PTPRK: variants seen among roughly 807,000 people sequenced by gnomAD.
PTPRK encodes the protein protein tyrosine phosphatase receptor type K, also known as receptor-type tyrosine-protein phosphatase kappa.
A neutral mutation model predicts 178.0 loss-of-function variants in PTPRK; 75 were observed. The ratio of observed to expected loss-of-function variants is 0.42; its 90% CI spans 0.35 to 0.51. PTPRK has a LOEUF of 0.51. Ranked by LOEUF, PTPRK falls within the 20% of genes least tolerant of loss-of-function variation. The pLI, the probability that PTPRK is intolerant of heterozygous loss-of-function variation, is 0.02. For synonymous variants in PTPRK, 637 were observed against 620.6 expected (o/e 1.03, Z -0.39); for missense variants, 1,441 against 1,797.8 (o/e 0.80, Z 3.59).
At chr6:128,292,714 T>C (rs141010830) in intron 3 of PTPRK, among the ~76,000 whole-genome samples, 8 of 152,202 alleles carry the variant, frequency 5.3e-5, no homozygotes, top group Admixed American at 5.2e-4. Flanking sequence ...TCTCAGGTAA[T>C]AGATAATCCT....
At chr6:128,312,201 CG>C (rs1827331818) in intron 3 of PTPRK, among the ~76,000 whole-genome samples, 1 of 152,162 alleles carries the variant, frequency 6.6e-6, no homozygotes, top group African/African-American at 2.4e-5. Context: ...TTCTAGTATT[CG>C]GGTCTTTTGA....
intron 1 of PTPRK, chr6:128,500,826 G>A (rs62425736): frequency 0.12 from 18,813 of 152,148 alleles, 1,549 homozygotes; most frequent in Non-Finnish European, 0.19. Context: ...TCTGTTGCCC[G>A]GGCTAAGTGC....
Position 128,520,444 on chromosome 6 carries a change from G to T in PTPRK, c.-86C>A. ...AATCCACGACGGAGGAGCGGGCCGG[G>T]CCTCGCGGGGTGAGGACGGTGAGAG... On this transcript the variant is annotated 5_prime_UTR_variant, in exon 1 of 30. Transcript: ENST00000368226. The T allele has an allele frequency of 7.5e-7, 1 of 1,337,048 alleles. No homozygotes were observed. Among genetic ancestry groups the T allele is most frequent in the Non-Finnish European group, 1.0e-6 (1 of 955,694 alleles). The allele number at this position is 1,337,048 out of a possible 1,614,324, so 82.8% of individuals were successfully genotyped here.
chr6:128,238,619 A>T (rs1813796663), intron 5 of PTPRK, among the ~76,000 whole-genome samples: 2 of 152,348 alleles, frequency 1.3e-5, no homozygotes, highest in South Asian at 4.1e-4. Context: ...CGATTAGAAC[A>T]TATATCTAAA....
At chr6:128,327,605 G>A (rs1209382149) in intron 2 of PTPRK, among the ~76,000 whole-genome samples, 1 of 152,028 alleles carries the variant, frequency 6.6e-6, no homozygotes, top group Non-Finnish European at 1.5e-5. Flanking sequence ...TTGCTTTTGT[G>A]CCAATTTTAA....
At chr6:128,346,167 G>A (rs1243483855) in intron 2 of PTPRK, among the ~76,000 whole-genome samples, 1 of 151,966 alleles carries the variant, frequency 6.6e-6, no homozygotes, top group African/African-American at 2.4e-5. Context: ...TGCTCTGAGT[G>A]GCCACAATCT....
At position 127,999,358 on chromosome 6, in the gene PTPRK, G is replaced by T. The variant is rs186279170; in HGVS notation, c.2495-454C>A. Among the ~76,000 whole-genome samples, 5 of 152,022 alleles carry T rather than the reference G, an allele frequency of 3.3e-5. No homozygotes were observed. The East Asian group carries it at 9.8e-4, about 30-fold the overall frequency. On this transcript the variant is annotated intron_variant, in intron 15 of 29. Transcript: ENST00000368226. ...CTAGGTGACCCATCCCCAAAGGGCT[G>T]CTCTTCTTGTTCTCGTGGCCCTATT...
intron 13 of PTPRK, among the ~76,000 whole-genome samples, chr6:128,043,564 G>A (rs4327718): frequency 0.78 from 118,507 of 151,774 alleles, 47,340 homozygotes; most frequent in South Asian, 0.95. Flanking sequence ...GTGAAAAGAA[G>A]TGTTCTAAAT....
intron 6 of PTPRK, among the ~76,000 whole-genome samples, chr6:128,216,946 C>T (rs1281764697): frequency 6.6e-6 from 1 of 152,128 alleles, no homozygotes; most frequent in Non-Finnish European, 1.5e-5. Flanking sequence ...TTATACATCA[C>T]TGTTATTCAA....
intron 7 of PTPRK, among the ~76,000 whole-genome samples, chr6:128,096,513 A>G (rs1381092672): frequency 2.0e-5 from 3 of 152,204 alleles, no homozygotes; most frequent in Admixed American, 1.3e-4. Context: ...TCTATAAGAG[A>G]ATGGAAGGCA....
rs116752131 is a variant in PTPRK, at chr6:128,494,803, G to A, written c.100+25456C>T. Among the ~76,000 whole-genome samples, 1,519 of 152,300 alleles carry A rather than the reference G, an allele frequency of 1.0e-2. 22 individuals are homozygous for A. The highest frequency in any genetic ancestry group is 0.034 in the African/African-American group (1,428 of 41,566). ...GATTTATGTGTGTGAAAGAGAATTA[G>A]AGTATACCTCCCTACATTTTACAAC... On this transcript the variant is annotated intron_variant, in intron 1 of 29. Coordinates refer to ENST00000368226, the MANE Select transcript of PTPRK (RefSeq NM_002844.4).
At chr6:128,124,449 C>T (rs1793005239) in intron 7 of PTPRK, among the ~76,000 whole-genome samples, 1 of 152,226 alleles carries the variant, frequency 6.6e-6, no homozygotes, top group African/African-American at 2.4e-5. Flanking sequence ...CACATTTCTG[C>T]CATGTAATGT....
At chr6:128,467,569 C>A (rs1001341542) in intron 1 of PTPRK, among the ~76,000 whole-genome samples, 1 of 152,198 alleles carries the variant, frequency 6.6e-6, no homozygotes, top group Admixed American at 6.5e-5. Context: ...GCAGCCCTCA[C>A]TCTTCTTCAT....
chr6:127,976,643 C>T lies in PTPRK; in HGVS notation c.3969+14G>A, dbSNP rs574547064. 1.6e-5 allele frequency: 26 copies of T among 1,613,574 alleles called. No individual in the cohort carries two copies. The highest frequency in any genetic ancestry group is 4.5e-5 in the East Asian group (2 of 44,856). On this transcript the variant is annotated intron_variant, in intron 27 of 29. Transcript: ENST00000368226. ...CTATTCTAGATCAGCTCAAAGGATCCGATAGTGACTTACTCTTGTTAGATT... is the reference window on the plus strand; with the variant it reads ...CTATTCTAGATCAGCTCAAAGGATCTGATAGTGACTTACTCTTGTTAGATT...
intron 1 of PTPRK, among the ~76,000 whole-genome samples, chr6:128,454,059 AG>A (rs1236039978): frequency 6.6e-6 from 1 of 152,190 alleles, no homozygotes; most frequent in Non-Finnish European, 1.5e-5. Context: ...AATGGAATAA[AG>A]CAACAGCAAC....
intron 3 of PTPRK, among the ~76,000 whole-genome samples, chr6:128,290,613 A>C (rs1823226570): frequency 6.6e-6 from 1 of 152,104 alleles, no homozygotes; most frequent in African/African-American, 2.4e-5. Flanking sequence ...AACAGGGGCC[A>C]GTTCTCTAGG....
intron 13 of PTPRK, among the ~76,000 whole-genome samples, chr6:128,041,094 T>C (rs1403376552): frequency 1.3e-5 from 2 of 152,172 alleles, no homozygotes; most frequent in Admixed American, 6.6e-5. Flanking sequence ...TATTTTAAAA[T>C]GAATTAAAAT....
At chr6:128,389,142 T>C (rs1839185745) in intron 2 of PTPRK, among the ~76,000 whole-genome samples, 1 of 152,266 alleles carries the variant, frequency 6.6e-6, no homozygotes, top group South Asian at 2.1e-4. Context: ...TGTTCACTTT[T>C]CATTGAAAAA....
intron 14 of PTPRK, among the ~76,000 whole-genome samples, chr6:128,008,589 T>C (rs907148377): frequency 6.0e-5 from 9 of 151,138 alleles, no homozygotes; most frequent in African/African-American, 1.9e-4. Context: ...GATGGTGATA[T>C]TAGTTGATAT....
Sources: gnomAD v4.1 joint callset for allele counts (sites outside exome capture counted in the v4.1 genomes callset) on GRCh38, gnomAD v4.1.1 for gene constraint, MANE v1.5 for transcripts, NCBI Gene and HGNC (gene_info 2026-07-23, HGNC 2026-07-21) for gene names.